ZNF541: variants seen among roughly 807,000 people sequenced by gnomAD.
ZNF541 encodes zinc finger protein 541.
In ZNF541, 23 loss-of-function variants were observed where a neutral mutation model predicts 123.5. The observed-to-expected ratio is 0.19, with a 90% CI of 0.13 to 0.26. ZNF541 has a LOEUF of 0.26. Ranked by LOEUF, ZNF541 falls within the 10% of genes least tolerant of loss-of-function variation. The pLI is 1.00. For missense variants in ZNF541, 1,612 were observed against 1,789.9 expected (o/e 0.90, Z 1.79); for synonymous variants, 751 against 754.5 (o/e 1.00, Z 0.08).
rs138295808 is a variant in ZNF541 at position 47,532,291 on chromosome 19, G to T, written c.3159-21C>A. On this transcript the variant is annotated intron_variant, in intron 10 of 16. Transcript: ENST00000391901. ...TATGTCTGAAATGAGGCCACACACAGATAAGGGAGACGTACAAACATGACT... is the reference window on the plus strand; with the variant it reads ...TATGTCTGAAATGAGGCCACACACATATAAGGGAGACGTACAAACATGACT... 11,285 of 1,550,942 alleles carry T rather than the reference G, an allele frequency of 7.3e-3. 56 individuals carry two copies. The highest frequency in any genetic ancestry group is 8.4e-3 in the Non-Finnish European group (9,638 of 1,146,792).
Position 47,545,097 on chromosome 19 carries a change from G to A in ZNF541, c.1432C>T (p.Leu478Phe). 1 of 1,481,106 alleles carries A rather than the reference G, an allele frequency of 6.8e-7. No homozygotes were observed. Among genetic ancestry groups the A allele is most frequent in the Non-Finnish European group, 8.9e-7 (1 of 1,119,186 alleles). The allele number at this position is 1,481,106 out of a possible 1,614,324, so 91.7% of individuals were successfully genotyped here. A position where few individuals can be genotyped will look rare whatever the true frequency, so the allele number is the denominator to read the frequency against. Residue 478 changes from leucine (L) to phenylalanine (F), a missense_variant, in exon 5 of 17, where the codon CTC (leucine) becomes TTC (phenylalanine). This residue lies in a region of ZNF541 where 1,080 missense variants were observed against 1,013.8 expected (regional missense o/e 1.07). Transcript: ENST00000391901. The surrounding 1 kb of genome is among the most constrained non-coding windows in gnomAD (Gnocchi z 7.5). ...LEDALPFPAA[L>F]LRVPAEAPSD... ...GGGGCCTCCGCGGGGACCCTGAGGA[G>A]CGCGGCAGGGAAGGGCAGAGCATCC...
intron 4 of ZNF541, among the ~76,000 whole-genome samples, chr19:47,546,254 TC>T (rs1284444946): frequency 1.3e-5 from 2 of 148,234 alleles, no homozygotes; most frequent in Non-Finnish European, 3.0e-5. Flanking sequence ...ATGCCTGTAA[TC>T]CCAGCACTTT....
chr19:47,538,084 T>C (rs952504282), intron 9 of ZNF541, 58 bp downstream of exon 9: 6 of 1,534,070 alleles, frequency 3.9e-6, no homozygotes, highest in Non-Finnish European at 5.3e-6. Context: ...GTAGAGTGGC[T>C]GTGGTCCGCA....
chr19:47,549,123 T>C, intron 4 of ZNF541, 122 bp downstream of exon 4: 1 of 1,366,502 alleles, frequency 7.3e-7, no homozygotes, highest in Non-Finnish European at 9.8e-7. Flanking sequence ...GTAATACACG[T>C]CTGGAAAACC....
In ZNF541 at chr19:47,545,158, C is replaced by T. The variant is rs1208497743; in HGVS notation, c.1371G>A (p.Ser457=). The change falls in exon 5 of 17, where the codon TCG becomes TCA. Residue 457 remains serine (S), a synonymous_variant. Transcript: ENST00000391901. The surrounding 1 kb of genome is among the most constrained non-coding windows in gnomAD (Gnocchi z 7.5). Reference sequence around the variant, plus strand: ...CGCCGGGGCCGGGCGGGGACTCCTCCGAGGGGCTTCCGCTGCTGGGTCCCG... The same window carrying T: ...CGCCGGGGCCGGGCGGGGACTCCTCTGAGGGGCTTCCGCTGCTGGGTCCCG... ...SGPGPSSGSP[S]EESPPGPGGG... 6.7e-7 allele frequency: 1 copy of T among 1,494,888 alleles called. No individual in the cohort carries two copies. The highest frequency in any genetic ancestry group is 8.9e-7 in the Non-Finnish European group (1 of 1,121,482). The allele number at this position is 1,494,888 out of a possible 1,614,324, so 92.6% of individuals were successfully genotyped here.
chr19:47,550,295 AGG>A (rs1970540946), intron 3 of ZNF541, among the ~76,000 whole-genome samples: 2 of 149,974 alleles, frequency 1.3e-5, no homozygotes, highest in African/African-American at 4.9e-5. Flanking sequence ...GGAAGGAAGG[AGG>A]AAGGAAGGAA....
At chr19:47,551,036 ACTGT>A (rs1352110671) in intron 3 of ZNF541, among the ~76,000 whole-genome samples, 5 of 150,042 alleles carry the variant, frequency 3.3e-5, no homozygotes, top group East Asian at 1.9e-4. Flanking sequence ...GGTGGATTAG[ACTGT>A]CTTTTTTTTT....
At chr19:47,568,935 G>T (rs994738962) in intron 2 of ZNF541, among the ~76,000 whole-genome samples, 1 of 152,150 alleles carries the variant, frequency 6.6e-6, no homozygotes. Flanking sequence ...CTCTCAAAAT[G>T]CTAGGATTAC....
intron 3 of ZNF541, among the ~76,000 whole-genome samples, chr19:47,555,112 G>A (rs1434530168): frequency 1.3e-5 from 2 of 151,568 alleles, no homozygotes; most frequent in African/African-American, 2.4e-5. Context: ...GCTCATGCCT[G>A]TAATCCCAGC....
chr19:47,535,787 G>A (rs139889242), intron 9 of ZNF541, among the ~76,000 whole-genome samples: 103 of 152,076 alleles, frequency 6.8e-4, no homozygotes, highest in African/African-American at 2.3e-3. Flanking sequence ...AAATGGCATG[G>A]TCTCGGCTTA....
At chr19:47,555,408 G>T in intron 3 of ZNF541, 142 bp downstream of exon 3, 3 of 662,664 alleles carry the variant, frequency 4.5e-6, no homozygotes, top group Non-Finnish European at 7.2e-6. Flanking sequence ...TGATTCCCAA[G>T]TAGGAAAAAA....
intron 8 of ZNF541, among the ~76,000 whole-genome samples, chr19:47,539,113 T>C (rs1969963466): frequency 1.3e-5 from 2 of 152,182 alleles, no homozygotes; most frequent in South Asian, 4.1e-4. Context: ...CTCTGGGTTG[T>C]CACTGTCTGG....
intron 2 of ZNF541, among the ~76,000 whole-genome samples, chr19:47,561,718 T>TG (rs1971070731): frequency 6.6e-6 from 1 of 150,742 alleles, no homozygotes; most frequent in East Asian, 1.9e-4. Flanking sequence ...TCTGTTTTGT[T>TG]TTTTTTTTAG....
At chr19:47,566,572 C>G (rs1037109630) in intron 2 of ZNF541, among the ~76,000 whole-genome samples, 3 of 151,924 alleles carry the variant, frequency 2.0e-5, no homozygotes, top group East Asian at 1.9e-4. Context: ...ATAGTGAAAC[C>G]CCATCTCTAC....
Position 47,529,620 on chromosome 19 carries a change from G to A in ZNF541, c.3438C>T (p.Pro1146=). Residue 1146 remains proline (P), a synonymous_variant, in exon 13 of 17, where the codon CCC becomes CCT. Coordinates refer to ENST00000391901, the MANE Select transcript of ZNF541 (RefSeq NM_001277075.3). ...CGAGCAGGTGTGTCCGTGGCTTGTG[G>A]GGCCCTCGGAGCAGAAGAGTCTCCA... is the stretch of plus-strand genomic sequence containing the variant. ...VALETLLLRG[P]HKPRTHLLAD... is the part of the protein sequence containing the mutation. 3.9e-6 allele frequency: 6 copies of A among 1,551,698 alleles called. No homozygotes were observed. The highest frequency in any genetic ancestry group is 5.2e-6 in the Non-Finnish European group (6 of 1,146,984).
intron 4 of ZNF541, among the ~76,000 whole-genome samples, chr19:47,548,146 A>G (rs1421137589): frequency 1.3e-5 from 2 of 151,768 alleles, no homozygotes; most frequent in Admixed American, 6.6e-5. Flanking sequence ...AAAAATAGAA[A>G]AGAAAAACAA....
At position 47,566,882 on chromosome 19, in the gene ZNF541, T is replaced by C. The variant is rs1225409386; in HGVS notation, c.-99+5014A>G. On this transcript the variant is annotated intron_variant, in intron 2 of 16. Transcript: ENST00000391901. ...CTGGCTAACATGGTGAAACCCCGTC[T>C]TTACTAAAAATACAAAAAATTAGCC... 5.3e-5 allele frequency among the ~76,000 whole-genome samples: 8 copies of C among 150,286 alleles called. No individual in the cohort carries two copies. The Admixed American group carries it at 5.3e-4, about 10-fold the overall frequency.
At chr19:47,531,288 G>T (rs1277892137) in intron 12 of ZNF541, among the ~76,000 whole-genome samples, 1 of 147,474 alleles carries the variant, frequency 6.8e-6, no homozygotes, top group African/African-American at 2.4e-5. Flanking sequence ...TGCATCAGAG[G>T]TTTGTATATA....
chr19:47,558,364 C>A (rs1007692447), intron 2 of ZNF541, among the ~76,000 whole-genome samples: 1 of 151,318 alleles, frequency 6.6e-6, no homozygotes, highest in East Asian at 2.0e-4. Context: ...TGCAGTGAGC[C>A]GAGATCGTGC....
Sources: gnomAD v4.1 joint callset for allele counts (sites outside exome capture counted in the v4.1 genomes callset) on GRCh38, gnomAD v4.1.1 for gene constraint, gnomAD v4.1.1 regional missense constraint, Gnocchi (gnomAD v3.1) non-coding constraint, MANE v1.5 for transcripts, NCBI Gene and HGNC (gene_info 2026-07-23, HGNC 2026-07-21) for gene names.